The following SYTL5 variants were observed in gnomAD, a reference collection of about 807,000 sequenced individuals.
SYTL5 encodes the protein synaptotagmin like 5, also known as synaptotagmin-like protein 5.
In SYTL5, 34 loss-of-function variants were observed where a neutral mutation model predicts 55.9. The ratio of observed to expected loss-of-function variants is 0.61; its 90% confidence interval spans 0.46 to 0.81. The LOEUF (loss-of-function observed/expected upper bound fraction) is 0.81, where lower values mean the gene tolerates loss of function less well. Among genes scored for constraint, SYTL5 ranks in the 30% least tolerant of loss-of-function variants. The probability of loss-of-function intolerance (pLI) is 0.00; values close to 1 mark genes in which losing one functional copy is unlikely to be tolerated. For missense variants in SYTL5, 637 were observed against 546.7 expected, an observed-to-expected ratio of 1.17 and a Z score of -1.65; for synonymous variants, 221 against 188.7, an observed-to-expected ratio of 1.17 and a Z score of -1.40.
chrX:38,104,564 G>T (rs1937159954), intron 10 of SYTL5, among the ~76,000 whole-genome samples: 2 of 111,965 alleles, frequency 1.8e-5, no homozygotes, highest in East Asian at 2.8e-4. Flanking sequence ...CCGTGAAGAA[G>T]CTTAGAAGAC....
the SYTL5 span, among the ~76,000 whole-genome samples, chrX:37,982,661 C>A: frequency 1.8e-5 from 2 of 111,060 alleles, no homozygotes; most frequent in East Asian, 5.6e-4. Flanking sequence ...TCCAATAATA[C>A]CACAAAAGGG....
the SYTL5 span, among the ~76,000 whole-genome samples, chrX:37,960,657 G>GA: frequency 1.8e-5 from 2 of 110,807 alleles, no homozygotes; most frequent in African/African-American, 3.3e-5. Flanking sequence ...AAATGTTTTA[G>GA]AATTTCTCTG....
At chrX:37,946,770 GAATA>G in the SYTL5 span, 1 of 116,435 alleles carries the variant, frequency 8.6e-6, no homozygotes, top group Non-Finnish European at 1.8e-5. Context: ...AGAAAAAGCT[GAATA>G]AATATCTCAT....
intron 1 of SYTL5, among the ~76,000 whole-genome samples, chrX:38,024,372 G>GT (rs1188781217): frequency 1.5e-4 from 17 of 111,115 alleles, no homozygotes; most frequent in Admixed American, 1.9e-4. Context: ...CACCATGATT[G>GT]TGAGGACCCC....
the SYTL5 span, among the ~76,000 whole-genome samples, chrX:37,930,937 C>T: frequency 8.9e-6 from 1 of 111,800 alleles, no homozygotes; most frequent in African/African-American, 3.2e-5. Context: ...CTAGTTGTCT[C>T]ATGTTTGTTA....
chrX:38,035,634 C>T (rs1055634610), intron 2 of SYTL5, among the ~76,000 whole-genome samples: 2 of 109,652 alleles, frequency 1.8e-5, no homozygotes, highest in African/African-American at 3.3e-5. Context: ...TGGTGGCTCA[C>T]GCCTGTAATC....
At chrX:38,089,342 C>A (rs753207624) in intron 6 of SYTL5, 104 bp from the exon 7 acceptor site, 3 of 904,494 alleles carry the variant, frequency 3.3e-6, no homozygotes, top group South Asian at 5.2e-5. Flanking sequence ...GAACTCAGTG[C>A]GGTTCATATG....
Position 38,076,710 on chromosome X carries a change from CA to C in SYTL5, c.689+10del. 8.3e-7 allele frequency: 1 copy of C among 1,206,710 alleles called. No individual in the cohort carries two copies. Among genetic ancestry groups the C allele is most frequent in the Non-Finnish European group, 1.1e-6 (1 of 893,026 alleles). ...CCTCCTGGTTCAGACAGGTAAGAGT[CA>C]TACAGATTGAGCAATGATGTAGCCT... is the stretch of plus-strand genomic sequence containing the variant. On this transcript the variant is annotated intron_variant, in intron 6 of 16. Transcript: ENST00000297875.
the SYTL5 span, among the ~76,000 whole-genome samples, chrX:37,892,498 A>G: frequency 2.0e-5 from 2 of 100,733 alleles, no homozygotes; most frequent in African/African-American, 7.1e-5. Flanking sequence ...ATATATATGT[A>G]TATAGTATAG....
intron 1 of SYTL5, among the ~76,000 whole-genome samples, chrX:38,022,654 G>A (rs957458111): frequency 2.1e-4 from 24 of 112,031 alleles, no homozygotes; most frequent in African/African-American, 7.1e-4. Flanking sequence ...TCTAATCCAG[G>A]CTAATCTCTT....
At chrX:38,076,522 T>C (rs936995413) in intron 5 of SYTL5, 45 bp from the exon 6 acceptor site, 12 of 960,429 alleles carry the variant, frequency 1.2e-5, no homozygotes, top group African/African-American at 2.0e-5. Flanking sequence ...TATTTTTAAA[T>C]GCTTTCTTTC....
At chrX:37,955,312 A>T in the SYTL5 span, among the ~76,000 whole-genome samples, 1 of 112,134 alleles carries the variant, frequency 8.9e-6, no homozygotes. Flanking sequence ...CAGGGAACTT[A>T]GAGGAATGGT....
At chrX:38,042,599 T>C (rs1356069657) in intron 2 of SYTL5, among the ~76,000 whole-genome samples, 1 of 111,703 alleles carries the variant, frequency 9.0e-6, no homozygotes, top group Non-Finnish European at 1.9e-5. Flanking sequence ...GTATTGTCTC[T>C]AGCCAGAATT....
intron 7 of SYTL5, among the ~76,000 whole-genome samples, chrX:38,093,624 A>G (rs1244283647): frequency 9.0e-6 from 1 of 111,617 alleles, no homozygotes; most frequent in African/African-American, 3.3e-5. Flanking sequence ...AATAAATGCA[A>G]GTCCCAGACT....
At chrX:38,048,351 C>G (rs1347584172) in intron 2 of SYTL5, among the ~76,000 whole-genome samples, 2 of 109,157 alleles carry the variant, frequency 1.8e-5, no homozygotes, top group Non-Finnish European at 3.8e-5. Flanking sequence ...CCCACATTTT[C>G]CTGTCTTCTT....
chrX:38,065,852 C>T (rs1440878349), intron 3 of SYTL5, among the ~76,000 whole-genome samples: 2 of 111,670 alleles, frequency 1.8e-5, no homozygotes, highest in Non-Finnish European at 3.8e-5. Flanking sequence ...GTAATCCCAA[C>T]ACTTTGGGAG....
At chrX:38,004,614 C>T (rs922210471), upstream of SYTL5, among the ~76,000 whole-genome samples, 2 of 111,480 alleles carry the variant, frequency 1.8e-5, no homozygotes, top group African/African-American at 6.5e-5. Context: ...GAGATTCTGT[C>T]GTTTGCAACA....
chrX:37,990,699 C>A, the SYTL5 span: 1 of 926,442 alleles, frequency 1.1e-6, no homozygotes, highest in East Asian at 3.4e-5. Flanking sequence ...CTAGGGATGT[C>A]ACAAAGGCAG....
intron 3 of SYTL5, among the ~76,000 whole-genome samples, chrX:38,064,907 C>G (rs1429198652): frequency 9.0e-6 from 1 of 111,098 alleles, no homozygotes; most frequent in Non-Finnish European, 1.9e-5. Flanking sequence ...AGAGTTTAGT[C>G]TGTACTCACT....
Sources: allele counts gnomAD v4.1 joint callset (sites outside exome capture counted in the v4.1 genomes callset), GRCh38; gene constraint gnomAD v4.1.1; transcripts MANE v1.5; gene names NCBI Gene and HGNC (gene_info 2026-07-23, HGNC 2026-07-21).